AHCYL1: variants seen among roughly 807,000 people sequenced by gnomAD.
The protein encoded by AHCYL1 is adenosylhomocysteinase like 1, also known as S-adenosylhomocysteine hydrolase-like protein 1.
AHCYL1 carries 20 observed loss-of-function variants against 79.3 expected under a neutral mutation model. That is an observed-to-expected ratio of 0.25 (90% CI 0.18 to 0.37). The LOEUF (loss-of-function observed/expected upper bound fraction) is 0.37, where lower values mean the gene tolerates loss of function less well. Among genes scored for constraint, AHCYL1 ranks in the 10% least tolerant of loss-of-function variants. AHCYL1 has a pLI of 1.00. For synonymous variants in AHCYL1, 223 were observed against 242.2 expected (o/e 0.92, Z 0.74); for missense variants, 330 against 673.6 (o/e 0.49, Z 5.65).
chr1:109,985,981 A>G (rs182713890), intron 1 of AHCYL1, among the ~76,000 whole-genome samples: 81 of 152,318 alleles, frequency 5.3e-4, no homozygotes, highest in Non-Finnish European at 7.8e-4. Flanking sequence ...TCTCTCATAA[A>G]TGGCAACCTT....
chr1:110,000,932 A>C, intron 1 of AHCYL1: 1 of 984,874 alleles, frequency 1.0e-6, no homozygotes, highest in East Asian at 1.1e-4. Flanking sequence ...GTGTTGAGGC[A>C]AAGCACTTAA....
chr1:109,989,797 A>G (rs1287335568), intron 1 of AHCYL1, among the ~76,000 whole-genome samples: 1 of 152,214 alleles, frequency 6.6e-6, no homozygotes, highest in African/African-American at 2.4e-5. Context: ...ATTTTATTAT[A>G]ATTTAGAACT....
intron 1 of AHCYL1, among the ~76,000 whole-genome samples, chr1:110,003,710 C>T (rs1397050683): frequency 6.6e-6 from 1 of 151,898 alleles, no homozygotes; most frequent in Non-Finnish European, 1.5e-5. Flanking sequence ...GAAGTATGGA[C>T]AGGTCAGGCA....
At chr1:109,994,420 A>G (rs1005151487) in intron 1 of AHCYL1, among the ~76,000 whole-genome samples, 6 of 151,842 alleles carry the variant, frequency 4.0e-5, no homozygotes, top group Non-Finnish European at 8.8e-5. Context: ...GTGCCACCAC[A>G]CCTGGCTAAA....
intron 1 of AHCYL1, among the ~76,000 whole-genome samples, chr1:110,007,951 T>G (rs142413738): frequency 2.0e-5 from 3 of 152,132 alleles, no homozygotes; most frequent in Non-Finnish European, 4.4e-5. Flanking sequence ...TGCTATTGAT[T>G]AGAGCCAGTT....
Position 110,012,260 on chromosome 1 carries a change from T to C in AHCYL1, c.377-102T>C, listed in dbSNP as rs544947363. ...CATGGAAATAGGCTTAAAGTTTTTC[T>C]GCCTCATCTCACCATATCTCAACAG... is the stretch of plus-strand genomic sequence containing the variant. On this transcript the variant is annotated intron_variant, in intron 3 of 16. Coordinates refer to ENST00000369799, the MANE Select transcript of AHCYL1 (RefSeq NM_006621.7). 1.0e-4 allele frequency: 101 copies of C among 968,516 alleles called. 1 individual carries two copies. The South Asian group carries it at 1.7e-3, about 17-fold the overall frequency. 60.0% of individuals were successfully genotyped at this position (968,516 alleles called of 1,614,324 possible).
chr1:110,015,339 C>G (rs1651347436), intron 6 of AHCYL1, 86 bp from the exon 7 acceptor site: 7 of 1,031,454 alleles, frequency 6.8e-6, no homozygotes, highest in Non-Finnish European at 1.5e-6. Context: ...ATACAGGGCT[C>G]TCTTACTAGT....
At chr1:109,996,695 C>T (rs1203078196) in intron 1 of AHCYL1, among the ~76,000 whole-genome samples, 1 of 152,192 alleles carries the variant, frequency 6.6e-6, no homozygotes, top group Non-Finnish European at 1.5e-5. Context: ...GTTTGTTACA[C>T]CAGCATCACC....
intron 1 of AHCYL1, among the ~76,000 whole-genome samples, chr1:109,998,635 A>C (rs1240863691): frequency 1.3e-5 from 2 of 151,920 alleles, no homozygotes; most frequent in African/African-American, 4.8e-5. Context: ...CTACCACCAC[A>C]CCTGGCTAAT....
At chr1:109,985,544 G>T in intron 1 of AHCYL1, 1 of 995,880 alleles carries the variant, frequency 1.0e-6, no homozygotes, top group Non-Finnish European at 1.2e-6. Context: ...CTCCCTTCAG[G>T]TGAGTGGGTA....
intron 1 of AHCYL1, chr1:110,004,206 C>A: frequency 1.0e-6 from 1 of 985,506 alleles, no homozygotes; most frequent in Non-Finnish European, 1.2e-6. Context: ...AGGCGGGAGT[C>A]GGCGGGGGAA....
chr1:110,011,986 C>T (rs985397843), intron 3 of AHCYL1, among the ~76,000 whole-genome samples: 3 of 152,218 alleles, frequency 2.0e-5, no homozygotes, highest in South Asian at 2.1e-4. Context: ...TTAGTGGTTT[C>T]GGCTGAGGGT....
intron 1 of AHCYL1, among the ~76,000 whole-genome samples, chr1:109,997,996 C>T (rs571941408): frequency 6.6e-6 from 1 of 152,282 alleles, no homozygotes; most frequent in South Asian, 2.1e-4. Flanking sequence ...AGTGAGGAGG[C>T]TCTAGATGGT....
At chr1:110,010,919 CTA>C (rs1650983350) in intron 2 of AHCYL1, among the ~76,000 whole-genome samples, 2 of 152,296 alleles carry the variant, frequency 1.3e-5, no homozygotes, top group South Asian at 4.1e-4. Flanking sequence ...CCAAGTACCT[CTA>C]TTATCTGGGA....
chr1:110,004,412 C>T, intron 1 of AHCYL1: 1 of 985,472 alleles, frequency 1.0e-6, no homozygotes, highest in Non-Finnish European at 1.2e-6. Flanking sequence ...GGATTCAACT[C>T]TGGCCTGAGA....
At chr1:110,013,434 G>A (rs907668372) in intron 5 of AHCYL1, among the ~76,000 whole-genome samples, 1 of 152,222 alleles carries the variant, frequency 6.6e-6, no homozygotes, top group Non-Finnish European at 1.5e-5. Flanking sequence ...TTCAGGCCAG[G>A]CCTGGTGGCC....
intron 1 of AHCYL1, 70 bp downstream of exon 1, chr1:109,985,242 G>A (rs973688753): frequency 3.2e-6 from 5 of 1,543,516 alleles, no homozygotes; most frequent in Non-Finnish European, 4.4e-6. Flanking sequence ...GCAAGCCCGG[G>A]CTCTGGCTAG....
chr1:110,013,009 G>GT lies in AHCYL1; in HGVS notation c.580+16dup, dbSNP rs753928039. On this transcript the variant is annotated intron_variant, in intron 5 of 16. Coordinates refer to ENST00000369799, the MANE Select transcript of AHCYL1 (RefSeq NM_006621.7). ...GCACTGGCTGAGGCTGGTAAGTTCG[G>GT]TTTTTTCCCACCAACTTTGCCCCAA... 10 of 1,596,900 alleles carry GT rather than the reference G, an allele frequency of 6.3e-6. No individual in the cohort carries two copies. Among genetic ancestry groups the GT allele is most frequent in the Admixed American group, 3.5e-5 (2 of 56,412 alleles).
chr1:109,994,251 G>T (rs1014941800), intron 1 of AHCYL1, among the ~76,000 whole-genome samples: 1 of 145,328 alleles, frequency 6.9e-6, no homozygotes, highest in African/African-American at 2.5e-5. Context: ...TCAGAATTTT[G>T]CTATTTTGTG....
Sources: gnomAD v4.1 joint callset for allele counts (sites outside exome capture counted in the v4.1 genomes callset) on GRCh38, gnomAD v4.1.1 for gene constraint, MANE v1.5 for transcripts, NCBI Gene and HGNC (gene_info 2026-07-23, HGNC 2026-07-21) for gene names.